GIGYF1: variants seen among roughly 807,000 people sequenced by gnomAD.
GIGYF1 encodes the protein GRB10-interacting GYF protein 1.
Under a neutral mutation model 147.1 loss-of-function variants are expected in GIGYF1, and 84 were observed. The ratio of observed to expected loss-of-function variants is 0.57; its 90% CI spans 0.48 to 0.68. The LOEUF (loss-of-function observed/expected upper bound fraction) is 0.68. Among genes scored for constraint, GIGYF1 ranks in the 30% least tolerant of loss-of-function variants. The pLI, the probability that GIGYF1 is intolerant of heterozygous loss-of-function variation, is 0.00. For synonymous variants in GIGYF1, 752 were observed against 589.5 expected, an observed-to-expected ratio of 1.28 and a Z score of -3.99; for missense variants, 1,485 against 1,393.7, an observed-to-expected ratio of 1.07 and a Z score of -1.04.
intron 12 of GIGYF1, among the ~76,000 whole-genome samples, chr7:100,685,715 C>T (rs77876722): frequency 2.1e-3 from 321 of 152,278 alleles, no homozygotes; most frequent in Admixed American, 3.7e-3. Context: ...CACACAACAC[C>T]GCAGACGTCA....
chr7:100,683,725 G>A, intron 19 of GIGYF1, 93 bp from the exon 20 acceptor site: 1 of 1,545,944 alleles, frequency 6.5e-7, no homozygotes, highest in Admixed American at 1.7e-5. Flanking sequence ...CAGCCAGAAT[G>A]GCAGCTAGGG....
Position 100,687,245 on chromosome 7 carries a change from G to GTTA in GIGYF1, c.482+52_482+53insTAA, listed in dbSNP as rs1805444490. 1.9e-6 allele frequency: 3 copies of GTTA among 1,549,246 alleles called. No homozygotes were observed. The African/African-American group carries it at 4.1e-5, about 21-fold the overall frequency. ...GTTACCCTCTAGCGACAGGGCCCAGGCCTCCCCTCCCTGGCCTGCCCGGCT... is the reference window on the plus strand; with the variant it reads ...GTTACCCTCTAGCGACAGGGCCCAGGTTACCTCCCCTCCCTGGCCTGCCCGGCT... On this transcript the variant is annotated intron_variant, in intron 8 of 26. Transcript: ENST00000678049.
intron 12 of GIGYF1, 74 bp from the exon 13 acceptor site, chr7:100,685,555 T>C: frequency 6.5e-7 from 1 of 1,544,882 alleles, no homozygotes; most frequent in African/African-American, 1.4e-5. Context: ...AGCCCTTGAG[T>C]GTGGCTGGAA....
Position 100,684,116 on chromosome 7 carries a change from A to C in GIGYF1, c.1772T>G (p.Leu591Arg), listed in dbSNP as rs1205859686. The C allele has an allele frequency of 6.2e-7, 1 of 1,607,942 alleles. No homozygotes were observed. Among genetic ancestry groups the C allele is most frequent in the South Asian group, 1.1e-5 (1 of 90,998 alleles). Reference sequence around the variant, plus strand: ...CGGTGGTGGCGGTGTCAGGTCCCCCAGAGCTGCCTTTTCTCGGAGCGCGCA... The same window carrying C: ...CGGTGGTGGCGGTGTCAGGTCCCCCCGAGCTGCCTTTTCTCGGAGCGCGCA... ...PQCALREKAA[L>R]GDLTPPPPPP... Residue 591 changes from leucine (L) to arginine (R), a missense_variant, in exon 18 of 27, where the codon CTG becomes CGG. By Grantham distance (102) the Leu-to-Arg change is moderately radical. Transcript: ENST00000678049.
chr7:100,687,151 G>A (rs1315791113), intron 8 of GIGYF1, 105 bp from the exon 9 acceptor site: 11 of 1,533,216 alleles, frequency 7.2e-6, no homozygotes, highest in East Asian at 2.2e-5. Flanking sequence ...GTGGAGGGAG[G>A]AAGGGGACAA....
Position 100,686,916 on chromosome 7 carries a change from C to G in GIGYF1, c.523+90G>C, listed in dbSNP as rs1239528088. 1.9e-6 allele frequency: 3 copies of G among 1,604,266 alleles called. No homozygotes were observed. The Admixed American group carries it at 5.0e-5, about 27-fold the overall frequency. ...GGGGCCAGCTCCAGGCCCTCCTGCCCCCAACACCTCCGAAATAAGCACCCC... is the reference window on the plus strand; with the variant it reads ...GGGGCCAGCTCCAGGCCCTCCTGCCGCCAACACCTCCGAAATAAGCACCCC... On this transcript the variant is annotated intron_variant, in intron 9 of 26. Coordinates refer to ENST00000678049, the MANE Select transcript of GIGYF1 (RefSeq NM_001375765.1).
At chr7:100,690,506 G>C (rs987900300) in intron 1 of GIGYF1, among the ~76,000 whole-genome samples, 2 of 152,184 alleles carry the variant, frequency 1.3e-5, no homozygotes, top group Non-Finnish European at 2.9e-5. Context: ...AAGTGGCCAG[G>C]CGTGGTGGTT....
chr7:100,681,136 A>C lies in GIGYF1; in HGVS notation c.*583T>G, dbSNP rs1483570439. On this transcript the variant is annotated 3_prime_UTR_variant, in exon 27 of 27. Coordinates refer to ENST00000678049, the MANE Select transcript of GIGYF1 (RefSeq NM_001375765.1). ...CCAGCCTCAGTGACAGGAGCTGCTC[A>C]CAACAGGTCTGGCGGGTGGGGCTCA... 2.0e-5 allele frequency: 3 copies of C among 152,690 alleles called. No homozygotes were observed. The highest frequency in any genetic ancestry group is 2.1e-4 in the South Asian group (1 of 4,834). 9.5% of individuals were successfully genotyped at this position (152,690 alleles called of 1,614,324 possible).
rs1262173546 is a variant in GIGYF1, at chr7:100,684,879, C to G, written c.1306G>C (p.Val436Leu). Residue 436 changes from valine (V) to leucine (L), a missense_variant, in exon 15 of 27, where the codon GTG becomes CTG. Transcript: ENST00000678049. ...AAGGAGCTGTCCTGCAGGGAGGCCA[C>G]CAGCTTCTCCGCCTCCTGGATGCCC... ...KHLQQEAEKL[V>L]ASLQDSSLEE... 1.2e-6 allele frequency: 2 copies of G among 1,604,314 alleles called. No individual in the cohort carries two copies. The highest frequency in any genetic ancestry group is 1.7e-6 in the Non-Finnish European group (2 of 1,174,620).
At position 100,688,530 on chromosome 7, in the gene GIGYF1, G is replaced by T; in HGVS notation, c.-134-15C>A. 1.5e-6 allele frequency: 1 copy of T among 652,234 alleles called. No homozygotes were observed. The highest frequency in any genetic ancestry group is 3.0e-5 in the East Asian group (1 of 32,794). 40.4% of individuals were successfully genotyped at this position (652,234 alleles called of 1,614,324 possible). ...CGGTGAAAGACCTGGGGGAGGCGAG[G>T]AGATGGGAAGCTCGAGTCCTTTCGG... On this transcript the variant is annotated splice_polypyrimidine_tract_variant and intron_variant, in intron 2 of 26. Coordinates refer to ENST00000678049, the MANE Select transcript of GIGYF1 (RefSeq NM_001375765.1).
Position 100,688,256 on chromosome 7 carries a change from T to C in GIGYF1, c.-18A>G. 6.2e-7 allele frequency: 1 copy of C among 1,607,626 alleles called. No homozygotes were observed. Among genetic ancestry groups the C allele is most frequent in the Non-Finnish European group, 8.5e-7 (1 of 1,177,282 alleles). Reference sequence around the variant, plus strand: ...GCTGCCATCGTGGGGCTGGGCGTGTTTGAGAGGCCGGGGGTGGGGAGGAGG... The same window carrying C: ...GCTGCCATCGTGGGGCTGGGCGTGTCTGAGAGGCCGGGGGTGGGGAGGAGG... On this transcript the variant is annotated 5_prime_UTR_variant, in exon 4 of 27. Coordinates refer to ENST00000678049, the MANE Select transcript of GIGYF1 (RefSeq NM_001375765.1).
intron 17 of GIGYF1, 25 bp from the exon 18 acceptor site, chr7:100,684,182 T>C (rs1805090691): frequency 6.2e-7 from 1 of 1,608,926 alleles, no homozygotes; most frequent in Non-Finnish European, 8.5e-7. Context: ...GTGGAGATGG[T>C]GGGCCACAGA....
Position 100,683,425 on chromosome 7 carries a change from A to G in GIGYF1, c.2072T>C (p.Val691Ala), listed in dbSNP as rs146891398. ...TTCCTCCCGCTTCGCCCTGAGCTCC[A>G]CTTCTCTGCGCTCCTGGAACTGAGA... Reference protein sequence around the residue: ...LQHKFQERREVELRAKREEEE... With the variant: ...LQHKFQERREAELRAKREEEE... The change falls in exon 21 of 27, where the codon GTG becomes GCG. Residue 691 changes from valine to alanine, a missense_variant. Coordinates refer to ENST00000678049, the MANE Select transcript of GIGYF1 (RefSeq NM_001375765.1). The G allele has an allele frequency of 5.1e-4, 821 of 1,613,836 alleles. 2 individuals carry two copies. The highest frequency in any genetic ancestry group is 6.6e-4 in the Non-Finnish European group (773 of 1,180,020).
At position 100,687,285 on chromosome 7, in the gene GIGYF1, C is replaced by A. The variant is rs765287927; in HGVS notation, c.482+13G>T. The A allele has an allele frequency of 1.2e-6, 2 of 1,609,834 alleles. No individual in the cohort carries two copies. The highest frequency in any genetic ancestry group is 2.2e-5 in the East Asian group (1 of 44,752). On this transcript the variant is annotated intron_variant, in intron 8 of 26. Transcript: ENST00000678049. ...CCTGCCCGGCTCTGCGCCATGCCCC[C>A]TCCCCGCCCCACCTGTCATCCCAGC...
intron 8 of GIGYF1, 88 bp from the exon 9 acceptor site, chr7:100,687,134 T>A: frequency 3.8e-6 from 6 of 1,558,520 alleles, no homozygotes; most frequent in Non-Finnish European, 5.3e-6. Context: ...CACTGTGCCC[T>A]GAGGCAGTGG....
Position 100,688,765 on chromosome 7 carries a change from G to A in GIGYF1, c.-308C>T. 1 of 297,034 alleles carries A rather than the reference G, an allele frequency of 3.4e-6. No individual in the cohort carries two copies. The highest frequency in any genetic ancestry group is 2.9e-5 in the South Asian group (1 of 34,312). 18.4% of individuals were successfully genotyped at this position (297,034 alleles called of 1,614,324 possible). ...GAGGGAGGGTTCAGGACATGGCTCT[G>A]CCGGCAGCCCTGCCCTGCCCCGCAT... On this transcript the variant is annotated 5_prime_UTR_variant, in exon 2 of 27. Coordinates refer to ENST00000678049, the MANE Select transcript of GIGYF1 (RefSeq NM_001375765.1).
Position 100,689,092 on chromosome 7 carries a change from G to A in GIGYF1, c.-635C>T, listed in dbSNP as rs980464997. The A allele has an allele frequency of 1.9e-4, 29 of 152,722 alleles. No individual in the cohort carries two copies. Among genetic ancestry groups the A allele is most frequent in the African/African-American group, 7.0e-4 (29 of 41,434 alleles). 9.5% of individuals were successfully genotyped at this position (152,722 alleles called of 1,614,324 possible). A position where few individuals can be genotyped will look rare whatever the true frequency, so the allele number is the denominator to read the frequency against. On this transcript the variant is annotated 5_prime_UTR_variant, in exon 2 of 27. Coordinates refer to ENST00000678049, the MANE Select transcript of GIGYF1 (RefSeq NM_001375765.1). ...GCTGCTCAGAAGCTCAAATCCAGGG[G>A]CTTGGTCTGGGGAGAAACCCAGTGA...
At position 100,680,801 on chromosome 7, in the gene GIGYF1, A is replaced by C. The variant is rs1804676851; in HGVS notation, c.*918T>G. On this transcript the variant is annotated 3_prime_UTR_variant, in exon 27 of 27. Transcript: ENST00000678049. Reference sequence around the variant, plus strand: ...GCCGCTCACAGGGGTGAGGCAGCTCAGGCAGGGGTGAGGCGGGGGCTTGTG... The same window carrying C: ...GCCGCTCACAGGGGTGAGGCAGCTCCGGCAGGGGTGAGGCGGGGGCTTGTG... 1.3e-5 allele frequency: 2 copies of C among 152,792 alleles called. No homozygotes were observed. Among genetic ancestry groups the C allele is most frequent in the Non-Finnish European group, 2.9e-5 (2 of 68,142 alleles). The allele number at this position is 152,792 out of a possible 1,614,324, so 9.5% of individuals were successfully genotyped here.
rs1287525083 is a variant in GIGYF1 at position 100,680,203 on chromosome 7, AAACC to A, written c.*1512_*1515del. On this transcript the variant is annotated 3_prime_UTR_variant, in exon 27 of 27. Transcript: ENST00000678049. ...AAAAAAAAAAAAATCCAACAACAGAAAACCAAACACCATCTTTCTGGGACTAGAT... is the reference window on the plus strand; with the variant it reads ...AAAAAAAAAAAAATCCAACAACAGAAAAACACCATCTTTCTGGGACTAGAT... 1 of 151,940 alleles carries A rather than the reference AAACC, an allele frequency of 6.6e-6. No individual in the cohort carries two copies. Among genetic ancestry groups the A allele is most frequent in the Non-Finnish European group, 1.5e-5 (1 of 67,928 alleles). The allele number at this position is 151,940 out of a possible 1,614,324, so 9.4% of individuals were successfully genotyped here.
Sources: gnomAD v4.1 joint callset for allele counts (sites outside exome capture counted in the v4.1 genomes callset) on GRCh38, gnomAD v4.1.1 for gene constraint, MANE v1.5 for transcripts, NCBI Gene and HGNC (gene_info 2026-07-23, HGNC 2026-07-21) for gene names.